NUP188: variants seen among roughly 807,000 people sequenced by gnomAD.
The protein encoded by NUP188 is nucleoporin 188, also known as nucleoporin NUP188.
A neutral mutation model predicts 223.0 loss-of-function variants in NUP188; 97 were observed. That is an observed-to-expected ratio of 0.43 (90% CI 0.37 to 0.51). The LOEUF is 0.51. NUP188 is among the 20% of genes least tolerant of loss of function. The pLI is 0.00. For synonymous variants in NUP188, 869 were observed against 828.0 expected (o/e 1.05, Z -0.85); for missense variants, 1,947 against 2,175.6 (o/e 0.89, Z 2.09).
chr9:128,991,465 A>G (rs570014506), intron 25 of NUP188, among the ~76,000 whole-genome samples: 2 of 151,854 alleles, frequency 1.3e-5, no homozygotes, highest in Admixed American at 1.3e-4. Flanking sequence ...ACTGGGCAAC[A>G]GAGGTTGCAG....
intron 23 of NUP188, 26 bp from the exon 24 acceptor site, chr9:128,988,021 T>C (rs1300747881): frequency 1.9e-6 from 3 of 1,612,710 alleles, no homozygotes; most frequent in Non-Finnish European, 2.5e-6. Context: ...GTCTGAATCA[T>C]CTTTGGTTTC....
At position 128,991,912 on chromosome 9, in the gene NUP188, T is replaced by C. The variant is rs1317902867; in HGVS notation, c.2641-1285T>C. ...TCCTGGTACTGTTTTTCTTTCTTTTTTTTTTTTTTTTTTGAGACGGAGTCT... is the reference window on the plus strand; with the variant it reads ...TCCTGGTACTGTTTTTCTTTCTTTTCTTTTTTTTTTTTTGAGACGGAGTCT... On this transcript the variant is annotated intron_variant, in intron 25 of 43. Coordinates refer to ENST00000372577, the MANE Select transcript of NUP188 (RefSeq NM_015354.3). Among the ~76,000 whole-genome samples, 16 of 148,032 alleles carry C rather than the reference T, an allele frequency of 1.1e-4. No homozygotes were observed. In the South Asian group the frequency reaches 3.0e-3, roughly 28 times the overall value.
intron 34 of NUP188, among the ~76,000 whole-genome samples, 199 bp from the exon 35 acceptor site, chr9:129,001,330 C>T (rs934360993): frequency 2.0e-5 from 3 of 152,020 alleles, no homozygotes; most frequent in Non-Finnish European, 4.4e-5. Flanking sequence ...ATTAGATTGG[C>T]TGGAGTTGCT....
At chr9:128,949,921 T>G (rs1389209025) in intron 2 of NUP188, among the ~76,000 whole-genome samples, 2 of 39,640 alleles carry the variant, frequency 5.0e-5, no homozygotes, top group Non-Finnish European at 8.8e-5. Flanking sequence ...GACGGCCACT[T>G]TTTTTTTTTT....
intron 25 of NUP188, among the ~76,000 whole-genome samples, chr9:128,991,013 G>A (rs1427191973): frequency 2.6e-5 from 4 of 152,104 alleles, no homozygotes; most frequent in Admixed American, 2.0e-4. Flanking sequence ...GCGAGACTCC[G>A]TCTCAAGATA....
At chr9:129,004,909 C>T in intron 38 of NUP188, 1 of 571,134 alleles carries the variant, frequency 1.8e-6, no homozygotes, top group Non-Finnish European at 3.1e-6. Flanking sequence ...GCCCTGAGTA[C>T]TTAGTGGCTA....
chr9:129,000,756 G>A (rs1254544381), intron 34 of NUP188, among the ~76,000 whole-genome samples: 1 of 151,852 alleles, frequency 6.6e-6, no homozygotes, highest in Non-Finnish European at 1.5e-5. Flanking sequence ...AAGTCTTTAT[G>A]GGCCGGGCAC....
At chr9:129,002,692 A>G in intron 36 of NUP188, 125 bp from the exon 37 acceptor site, 1 of 1,009,448 alleles carries the variant, frequency 9.9e-7, no homozygotes, top group Non-Finnish European at 1.4e-6. Flanking sequence ...GTGGCCAGAC[A>G]GTGGCTGTGT....
At chr9:128,997,631 A>G (rs547961181) in intron 30 of NUP188, among the ~76,000 whole-genome samples, 4 of 152,230 alleles carry the variant, frequency 2.6e-5, no homozygotes, top group African/African-American at 9.6e-5. Flanking sequence ...CTAGGACTAC[A>G]GGCATGCACC....
chr9:128,978,391 G>C (rs972950656), intron 12 of NUP188, among the ~76,000 whole-genome samples: 4 of 151,564 alleles, frequency 2.6e-5, no homozygotes, highest in Admixed American at 6.6e-5. Flanking sequence ...GTGAAACCCC[G>C]TCTCTACTAA....
intron 27 of NUP188, 62 bp from the exon 28 acceptor site, chr9:128,994,311 A>G (rs1842481275): frequency 1.8e-6 from 2 of 1,116,236 alleles, no homozygotes; most frequent in African/African-American, 1.5e-5. Context: ...GGAGCTTGAG[A>G]GAGGAGAAAA....
chr9:128,971,645 C>T (rs574034699), intron 11 of NUP188, among the ~76,000 whole-genome samples: 1 of 152,170 alleles, frequency 6.6e-6, no homozygotes, highest in Non-Finnish European at 1.5e-5. Context: ...GTCTTGAACT[C>T]CTGACCTCGT....
chr9:128,966,158 T>TGTGTGTGTGC (rs1445116845), intron 8 of NUP188, among the ~76,000 whole-genome samples: 1 of 151,266 alleles, frequency 6.6e-6, no homozygotes, highest in Non-Finnish European at 1.5e-5. Context: ...TGTGTGTGTG[T>TGTGTGTGTGC]GTGTGTGTGT....
At chr9:128,954,627 G>A (rs1480847730) in intron 3 of NUP188, among the ~76,000 whole-genome samples, 7 of 151,738 alleles carry the variant, frequency 4.6e-5, no homozygotes, top group African/African-American at 1.2e-4. Flanking sequence ...CTCATGATCC[G>A]CCCGCCTCGG....
In NUP188 at chr9:128,956,960, TGAA is replaced by T. The variant is rs1274815748; in HGVS notation, c.259_261del (p.Glu87del). The T allele has an allele frequency of 6.2e-7, 1 of 1,610,576 alleles. No homozygotes were observed. Among genetic ancestry groups the T allele is most frequent in the Non-Finnish European group, 8.5e-7 (1 of 1,178,182 alleles). ...AAATCTCTGTGTTTCAGGGTCTTGA[TGAA>T]GAACAGAGTGTGCAGTTACTCCAGT... On this transcript the variant is annotated inframe_deletion, in exon 5 of 44. Transcript: ENST00000372577.
At position 128,995,487 on chromosome 9, in the gene NUP188, G is replaced by C; in HGVS notation, c.3324G>C (p.Arg1108Ser). ...ACCAGATGCTGGTGTCCGCCTGGAG[G>C]ATGCTTCTCATCATTGCCACCACTC... ...LEYQMLVSAWRMLLIIATTHA... is the reference protein window; with the variant it reads ...LEYQMLVSAWSMLLIIATTHA... Residue 1108 changes from arginine (R) to serine (S), a missense_variant, in exon 30 of 44, where the codon AGG becomes AGC. Coordinates refer to ENST00000372577, the MANE Select transcript of NUP188 (RefSeq NM_015354.3). 6.2e-7 allele frequency: 1 copy of C among 1,604,160 alleles called. No homozygotes were observed. The highest frequency in any genetic ancestry group is 8.5e-7 in the Non-Finnish European group (1 of 1,175,508).
At chr9:128,960,355 G>T (rs1181637611) in intron 8 of NUP188, among the ~76,000 whole-genome samples, 1 of 152,024 alleles carries the variant, frequency 6.6e-6, no homozygotes, top group Non-Finnish European at 1.5e-5. Context: ...ACAGGCGTGA[G>T]CCACCGCGCC....
intron 12 of NUP188, among the ~76,000 whole-genome samples, chr9:128,975,226 C>CTTTT (rs540828761): frequency 1.5e-5 from 2 of 131,872 alleles, no homozygotes; most frequent in Non-Finnish European, 3.2e-5. Context: ...TTTTCTTTTC[C>CTTTT]TTTTTTTTTT....
intron 3 of NUP188, 132 bp downstream of exon 3, chr9:128,952,978 G>C (rs1841815425): frequency 1.0e-5 from 7 of 696,050 alleles, no homozygotes; most frequent in South Asian, 1.8e-5. Flanking sequence ...TAGTTTACCA[G>C]TGGAAAACAG....
Sources: gnomAD v4.1 joint callset for allele counts (sites outside exome capture counted in the v4.1 genomes callset) on GRCh38, gnomAD v4.1.1 for gene constraint, MANE v1.5 for transcripts, NCBI Gene and HGNC (gene_info 2026-07-23, HGNC 2026-07-21) for gene names.